Variants in ATP6V0A2 observed in about 807,000 individuals in gnomAD.
The protein encoded by ATP6V0A2 is V-type proton ATPase 116 kDa subunit a 2.
ATP6V0A2 carries 58 observed loss-of-function variants against 104.4 expected under a neutral mutation model. That is an observed-to-expected ratio of 0.56 (90% CI 0.45 to 0.69). The LOEUF is 0.69. Ranked by LOEUF, ATP6V0A2 falls within the 30% of genes least tolerant of loss-of-function variation. The pLI, the probability that ATP6V0A2 is intolerant of heterozygous loss-of-function variation, is 0.00. For synonymous variants in ATP6V0A2, 376 were observed against 397.9 expected (o/e 0.95, Z 0.65); for missense variants, 938 against 1,062.9 (o/e 0.88, Z 1.63).
intron 4 of ATP6V0A2, among the ~76,000 whole-genome samples, chr12:123,725,964 A>G (rs527396113): frequency 6.6e-6 from 1 of 152,310 alleles, no homozygotes; most frequent in Admixed American, 6.5e-5. Flanking sequence ...GCAATGAACT[A>G]AATTATAACT....
chr12:123,727,922 C>T lies in ATP6V0A2; in HGVS notation c.648+13C>T. ...AGACCCTGAAACAGTGAGTAAATGT[C>T]ACCATCACCTTTTAGCAATGACGGA... On this transcript the variant is annotated intron_variant, in intron 6 of 19. Coordinates refer to ENST00000330342, the MANE Select transcript of ATP6V0A2 (RefSeq NM_012463.4). 1 of 1,614,182 alleles carries T rather than the reference C, an allele frequency of 6.2e-7. No homozygotes were observed. Among genetic ancestry groups the T allele is most frequent in the Non-Finnish European group, 8.5e-7 (1 of 1,180,014 alleles).
intron 2 of ATP6V0A2, among the ~76,000 whole-genome samples, chr12:123,719,656 C>A (rs1200517820): frequency 6.6e-6 from 1 of 151,992 alleles, no homozygotes; most frequent in Non-Finnish European, 1.5e-5. Context: ...TTGGTACTGC[C>A]AACACTTCCC....
intron 9 of ATP6V0A2, among the ~76,000 whole-genome samples, chr12:123,739,676 G>A (rs1360927696): frequency 6.6e-6 from 1 of 152,156 alleles, no homozygotes; most frequent in East Asian, 1.9e-4. Context: ...GCCTCAGAGA[G>A]GCTTGCAAGA....
Position 123,727,794 on chromosome 12 carries a change from G to C in ATP6V0A2, c.533G>C (p.Gly178Ala). ...RLGAKLGFVS[G>A]LINQGKVEAF... ...TTACTGTCTCACAGATTTGTGTCTG[G>C]CCTAATTAACCAAGGAAAAGTGGAA... The change falls in exon 6 of 20, where the codon GGC becomes GCC. Residue 178 changes from glycine (G) to alanine (A), a missense_variant. Transcript: ENST00000330342. 1 of 1,614,026 alleles carries C rather than the reference G, an allele frequency of 6.2e-7. No individual in the cohort carries two copies.
Position 123,744,486 on chromosome 12 carries a change from G to A in ATP6V0A2, c.1327-111G>A, listed in dbSNP as rs1956640261. 3.3e-5 allele frequency: 51 copies of A among 1,560,642 alleles called. No homozygotes were observed. Among genetic ancestry groups the A allele is most frequent in the Admixed American group, 8.4e-5 (5 of 59,724 alleles). On this transcript the variant is annotated intron_variant, in intron 11 of 19. Transcript: ENST00000330342. This position sits in a 1 kb window ranked among gnomAD's most constrained non-coding sequence, Gnocchi z 5.4. ...AGCTGCGGCTGACAGGGATGTCTGC[G>A]GGGCGAGGCTGTTTTCTGAGAAGTG...
intron 6 of ATP6V0A2, chr12:123,733,686 A>T (rs1054468478): frequency 5.7e-5 from 30 of 524,644 alleles, no homozygotes; most frequent in African/African-American, 5.2e-4. Flanking sequence ...TTTACCTGGG[A>T]ACGCGGGTGT....
In ATP6V0A2 at chr12:123,760,640, A is replaced by G. The variant is rs528247501; in HGVS notation, c.*2608A>G. ...AGTTTTTATTTAGATGTTTATTACC[A>G]TGTGTTAACAGAATCTTAAAACCCA... On this transcript the variant is annotated 3_prime_UTR_variant, in exon 20 of 20. Transcript: ENST00000330342. 7.9e-5 allele frequency: 12 copies of G among 152,356 alleles called. No individual in the cohort carries two copies. The highest frequency in any genetic ancestry group is 4.1e-4 in the South Asian group (2 of 4,830). The allele number at this position is 152,356 out of a possible 1,614,324, so 9.4% of individuals were successfully genotyped here. A position where few individuals can be genotyped will look rare whatever the true frequency, so the allele number is the denominator to read the frequency against.
At chr12:123,713,036 T>C (rs1051408008) in intron 1 of ATP6V0A2, among the ~76,000 whole-genome samples, 4 of 151,874 alleles carry the variant, frequency 2.6e-5, no homozygotes, top group African/African-American at 9.7e-5. Context: ...ATTAACCAAA[T>C]AAATAGGTCA....
Position 123,744,096 on chromosome 12 carries a change from T to G in ATP6V0A2, c.1190-105T>G. On this transcript the variant is annotated intron_variant, in intron 10 of 19. Transcript: ENST00000330342. This position sits in a 1 kb window ranked among gnomAD's most constrained non-coding sequence, Gnocchi z 5.4. ...AATGTAACCACACAATCCTATCTTGTGAATTCTGGAGAAAGTCAAGATTGT... is the reference window on the plus strand; with the variant it reads ...AATGTAACCACACAATCCTATCTTGGGAATTCTGGAGAAAGTCAAGATTGT... The G allele has an allele frequency of 6.4e-7, 1 of 1,558,848 alleles. No homozygotes were observed. The highest frequency in any genetic ancestry group is 1.1e-5 in the South Asian group (1 of 89,456).
intron 6 of ATP6V0A2, among the ~76,000 whole-genome samples, chr12:123,729,193 G>A (rs1350470111): frequency 1.3e-5 from 2 of 152,004 alleles, no homozygotes; most frequent in Non-Finnish European, 2.9e-5. Flanking sequence ...ATCCATTCAG[G>A]CTGGCTTTTA....
intron 19 of ATP6V0A2, 81 bp downstream of exon 19, chr12:123,757,067 C>G (rs1472898553): frequency 1.4e-6 from 2 of 1,431,752 alleles, no homozygotes; most frequent in African/African-American, 2.8e-5. Flanking sequence ...CAAATATACA[C>G]AGCCCCTGCA....
Position 123,754,451 on chromosome 12 carries a change from TA to T in ATP6V0A2, c.2209del (p.Ile737SerfsTer18). 6.2e-7 allele frequency: 1 copy of T among 1,613,934 alleles called. No homozygotes were observed. On this transcript the variant is annotated frameshift_variant, in exon 18 of 20. Coordinates refer to ENST00000330342, the MANE Select transcript of ATP6V0A2 (RefSeq NM_012463.4). LOFTEE classifies it high-confidence loss of function. Reference sequence around the variant, plus strand: ...TTTGGAGAAATATTAATGACCCAAGTAATCCATTCCATCGAGTACTGTCTGG... The same window carrying T: ...TTTGGAGAAATATTAATGACCCAAGTATCCATTCCATCGAGTACTGTCTGG... ...FNFGEILMTQVIHSIEYCLGC... is the reference protein window; with the variant it reads ...FNFGEILMTQXIHSIEYCLGC...
In ATP6V0A2 at chr12:123,734,848, G is replaced by A. The variant is rs548361270; in HGVS notation, c.732-683G>A. Among the ~76,000 whole-genome samples, 4 of 152,282 alleles carry A rather than the reference G, an allele frequency of 2.6e-5. No individual in the cohort carries two copies. In the South Asian group the frequency reaches 8.3e-4, roughly 32 times the overall value. Reference sequence around the variant, plus strand: ...GATAAACCTTTTATTTTCATAGATAGATATTTGTTTTACTGCAGATTAAAA... The same window carrying A: ...GATAAACCTTTTATTTTCATAGATAAATATTTGTTTTACTGCAGATTAAAA... On this transcript the variant is annotated intron_variant, in intron 7 of 19. Transcript: ENST00000330342.
In ATP6V0A2 at chr12:123,726,304, G is replaced by A; in HGVS notation, c.521+19G>A. On this transcript the variant is annotated intron_variant, in intron 5 of 19. Transcript: ENST00000330342. The stretch of plus-strand genomic sequence containing the variant: ...AACTGGGGTAGGTGACAAGGCCTGG[G>A]GTGTCAGGCTTCATACTGCCCTTCT... 1 of 1,582,600 alleles carries A rather than the reference G, an allele frequency of 6.3e-7. No homozygotes were observed. Among genetic ancestry groups the A allele is most frequent in the Non-Finnish European group, 8.7e-7 (1 of 1,151,290 alleles).
chr12:123,735,008 C>T (rs952241876), intron 7 of ATP6V0A2, among the ~76,000 whole-genome samples: 4 of 152,174 alleles, frequency 2.6e-5, no homozygotes, highest in East Asian at 1.9e-4. Flanking sequence ...GAAGGTGGTC[C>T]GGGAATGGCT....
intron 4 of ATP6V0A2, among the ~76,000 whole-genome samples, chr12:123,725,010 A>G (rs1956435711): frequency 6.6e-6 from 1 of 152,128 alleles, no homozygotes; most frequent in South Asian, 2.1e-4. Context: ...ATCTCGGCTC[A>G]CTGCACCCTC....
intron 18 of ATP6V0A2, 92 bp from the exon 19 acceptor site, chr12:123,756,723 G>A (rs1956767441): frequency 1.5e-6 from 2 of 1,351,872 alleles, no homozygotes; most frequent in Admixed American, 1.7e-5. Context: ...AATAGTTCAG[G>A]GCCGTCAGGG....
At chr12:123,715,367 C>T (rs1014953420) in intron 1 of ATP6V0A2, among the ~76,000 whole-genome samples, 4 of 152,126 alleles carry the variant, frequency 2.6e-5, no homozygotes, top group East Asian at 3.9e-4. Context: ...ACTTTTAGTT[C>T]GACCTCCAGA....
At chr12:123,747,516 C>A (rs946725740) in intron 13 of ATP6V0A2, 91 bp from the exon 14 acceptor site, 16 of 848,680 alleles carry the variant, frequency 1.9e-5, no homozygotes, top group South Asian at 1.8e-4. Context: ...AAACTTAGAG[C>A]CACCTTTCAA....
Sources: allele counts gnomAD v4.1 joint callset (sites outside exome capture counted in the v4.1 genomes callset), GRCh38; gene constraint gnomAD v4.1.1; non-coding constraint Gnocchi (gnomAD v3.1); transcripts MANE v1.5; gene names NCBI Gene and HGNC (gene_info 2026-07-23, HGNC 2026-07-21).